Variants in RICTOR observed in about 807,000 individuals in gnomAD.
The protein encoded by RICTOR is rapamycin-insensitive companion of mTOR.
In RICTOR, 49 loss-of-function variants were observed where a neutral mutation model predicts 214.9. That is an observed-to-expected ratio of 0.23 (90% confidence interval 0.18 to 0.29). The LOEUF is 0.29. Among genes scored for constraint, RICTOR ranks in the 10% least tolerant of loss-of-function variants. The probability of loss-of-function intolerance (pLI) is 1.00; values close to 1 mark genes in which losing one functional copy is unlikely to be tolerated. For missense variants in RICTOR, 1,625 were observed against 2,047.0 expected, an observed-to-expected ratio of 0.79 and a Z score of 3.98; for synonymous variants, 717 against 711.3, an observed-to-expected ratio of 1.01 and a Z score of -0.13.
At chr5:39,046,277 T>G (rs1367151834) in intron 2 of RICTOR, among the ~76,000 whole-genome samples, 1 of 150,542 alleles carries the variant, frequency 6.6e-6, no homozygotes, top group Non-Finnish European at 1.5e-5. Context: ...GATGGGAAGA[T>G]CACTTGAGCC....
chr5:39,058,749 T>C (rs1758352314), intron 2 of RICTOR, among the ~76,000 whole-genome samples: 1 of 152,132 alleles, frequency 6.6e-6, no homozygotes, highest in Non-Finnish European at 1.5e-5. Flanking sequence ...CCTTTTTCTC[T>C]GTAGAAATAC....
intron 9 of RICTOR, among the ~76,000 whole-genome samples, chr5:38,976,591 T>C (rs1337502326): frequency 6.6e-6 from 1 of 152,148 alleles, no homozygotes; most frequent in Non-Finnish European, 1.5e-5. Context: ...GTGATTAAGC[T>C]TTCAGTGCTT....
chr5:39,057,270 A>G (rs1216874201), intron 2 of RICTOR, among the ~76,000 whole-genome samples: 11 of 152,172 alleles, frequency 7.2e-5, no homozygotes, highest in Admixed American at 7.2e-4. Flanking sequence ...GTTTTGAACA[A>G]TAGTAACATC....
At chr5:39,003,708 A>C (rs1029806901) in intron 3 of RICTOR, 86 bp from the exon 4 acceptor site, 68 of 743,998 alleles carry the variant, frequency 9.1e-5, no homozygotes, top group Middle Eastern at 7.9e-4. Flanking sequence ...CTGGAAAATA[A>C]GGTATTTTTA....
chr5:39,062,369 T>C (rs1758603510), intron 2 of RICTOR, among the ~76,000 whole-genome samples: 1 of 152,136 alleles, frequency 6.6e-6, no homozygotes, highest in Non-Finnish European at 1.5e-5. Context: ...TTCCAACCAC[T>C]GGAGTCTCTC....
Position 38,938,415 on chromosome 5 carries a change from C to A in RICTOR, c.*3889G>T, listed in dbSNP as rs1422303378. 4.3e-6 allele frequency: 1 copy of A among 230,912 alleles called. No individual in the cohort carries two copies. The highest frequency in any genetic ancestry group is 2.2e-5 in the African/African-American group (1 of 45,152). The allele number at this position is 230,912 out of a possible 1,614,324, so 14.3% of individuals were successfully genotyped here. The stretch of plus-strand genomic sequence containing the variant: ...AAATTTTTTTCACTCCCCCTCTCTG[C>A]CCCAAGACTTTGCATTTTGTGCTAA... On this transcript the variant is annotated 3_prime_UTR_variant, in exon 38 of 38. Coordinates refer to ENST00000357387, the MANE Select transcript of RICTOR (RefSeq NM_152756.5).
chr5:39,014,563 T>C (rs1326890871), intron 3 of RICTOR, among the ~76,000 whole-genome samples: 1 of 152,138 alleles, frequency 6.6e-6, no homozygotes, highest in African/African-American at 2.4e-5. Flanking sequence ...TTAATATAAA[T>C]ATATGAGATT....
intron 2 of RICTOR, among the ~76,000 whole-genome samples, chr5:39,070,355 G>A (rs1759222090): frequency 6.6e-6 from 1 of 152,044 alleles, no homozygotes; most frequent in Non-Finnish European, 1.5e-5. Flanking sequence ...TGTAGTCCCA[G>A]CTACTCGGGA....
chr5:39,049,679 AAGAAGGG>A (rs1355858752), intron 2 of RICTOR, among the ~76,000 whole-genome samples: 1 of 151,962 alleles, frequency 6.6e-6, no homozygotes, highest in Non-Finnish European at 1.5e-5. Context: ...CAGAATAGGA[AAGAAGGG>A]AGGGAGGGAG....
intron 2 of RICTOR, among the ~76,000 whole-genome samples, chr5:39,023,335 A>G (rs1230450321): frequency 6.6e-6 from 1 of 152,220 alleles, no homozygotes; most frequent in East Asian, 1.9e-4. Context: ...ATTGAAAAAA[A>G]AGAAGTTACA....
At chr5:38,958,855 A>T (rs181904007) in intron 22 of RICTOR, 24 bp from the exon 23 acceptor site, 6 of 965,566 alleles carry the variant, frequency 6.2e-6, no homozygotes, top group Middle Eastern at 3.1e-4. Context: ...TGAATACATT[A>T]AAAAAAAAAA....
At position 38,953,563 on chromosome 5, in the gene RICTOR, G is replaced by GAA. The variant is rs33912683; in HGVS notation, c.2698-12_2698-11dup. On this transcript the variant is annotated splice_polypyrimidine_tract_variant and intron_variant, in intron 27 of 37. Transcript: ENST00000357387. ...GTTCTGTAATAATATTCTGGAGAAA[G>GAA]AAAAAAAAATACCATGAGTAATAAT... The GAA allele has an allele frequency of 7.5e-3, 5,113 of 685,464 alleles. No homozygotes were observed. Among genetic ancestry groups the GAA allele is most frequent in the South Asian group, 0.01 (333 of 33,082 alleles). The allele number at this position is 685,464 out of a possible 1,614,324, so 42.5% of individuals were successfully genotyped here.
chr5:39,039,274 T>C (rs992257955), intron 2 of RICTOR, among the ~76,000 whole-genome samples: 1 of 152,136 alleles, frequency 6.6e-6, no homozygotes, highest in Non-Finnish European at 1.5e-5. Flanking sequence ...TGTAGAAAGC[T>C]GAAACTGGAT....
chr5:38,966,672 G>T lies in RICTOR; in HGVS notation c.1268C>A (p.Ala423Asp). ...TAAAAGCTCTCCTAAAAGGATGGTA[G>T]CTCTAACTGAGATATGATCATCACT... ...TNSDDHISVR[A>D]TILLGELLHM... Residue 423 changes from alanine to aspartate, a missense_variant, in exon 15 of 38, where the codon GCT becomes GAT. By Grantham distance (126) the Ala-to-Asp change is moderately radical (BLOSUM62 -2). Coordinates refer to ENST00000357387, the MANE Select transcript of RICTOR (RefSeq NM_152756.5). 1 of 1,592,150 alleles carries T rather than the reference G, an allele frequency of 6.3e-7. No homozygotes were observed. Among genetic ancestry groups the T allele is most frequent in the Non-Finnish European group, 8.6e-7 (1 of 1,162,754 alleles).
In RICTOR at chr5:38,942,956, A is replaced by G; in HGVS notation, c.4929T>C (p.Tyr1643=). ...GGCATATGTCATCAAATGTTTGAGG[A>G]TACTTCTCCTTAATTCTAAAATAAA... The part of the protein sequence containing the change: ...ETGLLTIKEK[Y]PQTFDDICLY... The change falls in exon 37 of 38, where the codon TAT becomes TAC. Residue 1643 remains tyrosine, a synonymous_variant. Coordinates refer to ENST00000357387, the MANE Select transcript of RICTOR (RefSeq NM_152756.5). The G allele has an allele frequency of 6.2e-7, 1 of 1,604,510 alleles. No individual in the cohort carries two copies. The highest frequency in any genetic ancestry group is 8.5e-7 in the Non-Finnish European group (1 of 1,171,346).
intron 2 of RICTOR, among the ~76,000 whole-genome samples, chr5:39,021,807 A>G (rs1755445366): frequency 6.6e-6 from 1 of 152,224 alleles, no homozygotes; most frequent in Non-Finnish European, 1.5e-5. Context: ...AGCATGAAAC[A>G]GACTAAGAAA....
In RICTOR at chr5:38,938,860, T is replaced by C. The variant is rs1005650754; in HGVS notation, c.*3444A>G. ...TTCCTAACTTACATTTTGGAAAATC[T>C]GAAATGTTGGTTCATTCCAAATAGC... On this transcript the variant is annotated 3_prime_UTR_variant, in exon 38 of 38. Transcript: ENST00000357387. The C allele has an allele frequency of 4.3e-5, 10 of 233,016 alleles. No homozygotes were observed. Among genetic ancestry groups the C allele is most frequent in the Non-Finnish European group, 7.6e-5 (9 of 117,704 alleles). The allele number at this position is 233,016 out of a possible 1,614,324, so 14.4% of individuals were successfully genotyped here.
At chr5:38,975,735 CAAAGA>C in intron 9 of RICTOR, 131 bp from the exon 10 acceptor site, 3 of 568,412 alleles carry the variant, frequency 5.3e-6, no homozygotes, top group Non-Finnish European at 6.0e-6. Context: ...TAAAACAAGA[CAAAGA>C]TCAGATCTAC....
chr5:39,074,006 C>A (rs1759527406), intron 2 of RICTOR, 105 bp downstream of exon 2: 3 of 752,258 alleles, frequency 4.0e-6, no homozygotes, highest in Non-Finnish European at 5.3e-6. Flanking sequence ...GCCCCCGCAC[C>A]CCGCCGGTCC....
Sources: allele counts gnomAD v4.1 joint callset (sites outside exome capture counted in the v4.1 genomes callset), GRCh38; gene constraint gnomAD v4.1.1; transcripts MANE v1.5; gene names NCBI Gene and HGNC (gene_info 2026-07-23, HGNC 2026-07-21).